TECPR2: variants seen among roughly 807,000 people sequenced by gnomAD.
TECPR2 encodes the protein tectonin beta-propeller repeat-containing protein 2.
In TECPR2, 65 loss-of-function variants were observed where a neutral mutation model predicts 138.1. That is an observed-to-expected ratio of 0.47 (90% CI 0.39 to 0.58). TECPR2 has a LOEUF of 0.58. Ranked by LOEUF, TECPR2 falls within the 20% of genes least tolerant of loss-of-function variation. TECPR2 has a pLI of 0.00. For missense variants in TECPR2, 1,553 were observed against 1,824.5 expected (o/e 0.85, Z 2.71); for synonymous variants, 746 against 749.8 (o/e 0.99, Z 0.08).
intron 17 of TECPR2, among the ~76,000 whole-genome samples, chr14:102,490,934 G>T (rs771865502): frequency 6.6e-6 from 1 of 151,622 alleles, no homozygotes; most frequent in Non-Finnish European, 1.5e-5. Context: ...CACTCTTATT[G>T]CCCAGGCTGG....
chr14:102,413,007 G>C (rs968428548), intron 4 of TECPR2, among the ~76,000 whole-genome samples: 7 of 152,062 alleles, frequency 4.6e-5, no homozygotes, highest in African/African-American at 1.7e-4. Flanking sequence ...GAGGTTGGAG[G>C]ATCAGTTGAG....
chr14:102,442,875 CT>C (rs1889871386), intron 11 of TECPR2, among the ~76,000 whole-genome samples: 1 of 152,232 alleles, frequency 6.6e-6, no homozygotes, highest in Non-Finnish European at 1.5e-5. Context: ...TGGGAATAGC[CT>C]TTGAGCTCAT....
intron 2 of TECPR2, among the ~76,000 whole-genome samples, chr14:102,401,709 G>A (rs894486665): frequency 4.7e-5 from 7 of 149,418 alleles, no homozygotes; most frequent in African/African-American, 1.7e-4. Flanking sequence ...GGAGGCTGAG[G>A]CAGGAGAATG....
chr14:102,432,173 T>C (rs1889515450), intron 8 of TECPR2, 45 bp downstream of exon 8: 3 of 1,444,936 alleles, frequency 2.1e-6, no homozygotes, highest in East Asian at 2.5e-5. Context: ...TTACAGTCTT[T>C]CCAGATTCTC....
chr14:102,423,354 C>G (rs57081537), intron 5 of TECPR2, among the ~76,000 whole-genome samples: 4,471 of 151,994 alleles, frequency 0.029, 207 homozygotes, highest in African/African-American at 0.098. Context: ...ATCACTTGAA[C>G]CCAAGAGGGA....
intron 8 of TECPR2, 42 bp downstream of exon 8, chr14:102,432,170 C>G (rs759815596): frequency 1.4e-6 from 2 of 1,451,236 alleles, no homozygotes; most frequent in Non-Finnish European, 1.8e-6. Context: ...GGGTTACAGT[C>G]TTTCCAGATT....
intron 17 of TECPR2, among the ~76,000 whole-genome samples, chr14:102,475,258 GA>G (rs1466514488): frequency 2.6e-5 from 4 of 152,232 alleles, no homozygotes; most frequent in Non-Finnish European, 5.9e-5. Flanking sequence ...AAGCAGAGGG[GA>G]CATGAAGTAT....
rs1431336357 is a variant in TECPR2 at position 102,420,477 on chromosome 14, C to T, written c.639-4502C>T. On this transcript the variant is annotated intron_variant, in intron 5 of 19. Coordinates refer to ENST00000359520, the MANE Select transcript of TECPR2 (RefSeq NM_014844.5). This position sits in a 1 kb window ranked among gnomAD's most constrained non-coding sequence, Gnocchi z 4.1. ...AACCCACTCATCAGACATTTCCGTT[C>T]TTTTTATTTTTTAGAGACAGGGTCT... 6.6e-6 allele frequency among the ~76,000 whole-genome samples: 1 copy of T among 152,052 alleles called. No homozygotes were observed. The highest frequency in any genetic ancestry group is 1.5e-5 in the Non-Finnish European group (1 of 68,000).
At chr14:102,371,000 A>G (rs975102692) in intron 1 of TECPR2, among the ~76,000 whole-genome samples, 1 of 152,226 alleles carries the variant, frequency 6.6e-6, no homozygotes, top group African/African-American at 2.4e-5. Context: ...CTCTGTGTTT[A>G]TAGCTAGGAT....
At chr14:102,377,972 G>T (rs939792024) in intron 2 of TECPR2, among the ~76,000 whole-genome samples, 2 of 152,226 alleles carry the variant, frequency 1.3e-5, no homozygotes, top group Non-Finnish European at 1.5e-5. Context: ...TGTTTCTGCA[G>T]TGCTGTGGAC....
chr14:102,435,290 C>A (rs1222043585), intron 9 of TECPR2, 79 bp downstream of exon 9: 4 of 1,493,048 alleles, frequency 2.7e-6, no homozygotes, highest in African/African-American at 1.4e-5. Context: ...GATTATTTTC[C>A]TTCTCATGGA....
chr14:102,381,677 A>G (rs1887824417), intron 2 of TECPR2, among the ~76,000 whole-genome samples: 1 of 152,240 alleles, frequency 6.6e-6, no homozygotes, highest in African/African-American at 2.4e-5. Flanking sequence ...GATGAAGGAA[A>G]ACTTAAGAGG....
chr14:102,370,815 G>C (rs1402399269), intron 1 of TECPR2, among the ~76,000 whole-genome samples: 2 of 152,158 alleles, frequency 1.3e-5, no homozygotes, highest in Non-Finnish European at 2.9e-5. Flanking sequence ...ATGGTGGCCC[G>C]AGCTAGGGGT....
In TECPR2 at chr14:102,452,635, C is replaced by T; in HGVS notation, c.3640+8C>T. The T allele has an allele frequency of 6.4e-7, 1 of 1,572,544 alleles. No individual in the cohort carries two copies. Among genetic ancestry groups the T allele is most frequent in the Non-Finnish European group, 8.6e-7 (1 of 1,158,392 alleles). On this transcript the variant is annotated splice_region_variant and intron_variant, in intron 16 of 19. Transcript: ENST00000359520. ...TGGACCTCTCCCAGCTAGGTACGGC[C>T]ACCTCGTGAGTACACCTGCCGGTGC... is the stretch of plus-strand genomic sequence containing the variant.
intron 1 of TECPR2, among the ~76,000 whole-genome samples, chr14:102,369,711 G>A (rs1371776008): frequency 6.6e-6 from 1 of 152,126 alleles, no homozygotes; most frequent in Non-Finnish European, 1.5e-5. Flanking sequence ...GGAGGCCGAG[G>A]CGGGTGGATC....
intron 4 of TECPR2, among the ~76,000 whole-genome samples, chr14:102,411,045 C>T: frequency 6.6e-6 from 1 of 152,242 alleles, no homozygotes; most frequent in Non-Finnish European, 1.5e-5. Flanking sequence ...TCCAGGCCAT[C>T]ATCAATCATT....
intron 2 of TECPR2, among the ~76,000 whole-genome samples, chr14:102,379,206 C>T (rs768571026): frequency 1.3e-5 from 2 of 152,018 alleles, no homozygotes; most frequent in Admixed American, 6.6e-5. Context: ...TCTTAAAATC[C>T]GTGCACAGAG....
chr14:102,466,379 GT>G (rs1304808787), intron 17 of TECPR2, among the ~76,000 whole-genome samples: 2 of 152,296 alleles, frequency 1.3e-5, no homozygotes, highest in Admixed American at 6.5e-5. Context: ...CAAACATGAG[GT>G]TGTACATAAT....
intron 16 of TECPR2, among the ~76,000 whole-genome samples, chr14:102,461,776 G>A (rs1251535939): frequency 1.3e-5 from 2 of 152,184 alleles, no homozygotes; most frequent in African/African-American, 4.8e-5. Context: ...CTCAGAGCCT[G>A]TTGCCAGTAC....
Sources: allele counts gnomAD v4.1 joint callset (sites outside exome capture counted in the v4.1 genomes callset), GRCh38; gene constraint gnomAD v4.1.1; non-coding constraint Gnocchi (gnomAD v3.1); transcripts MANE v1.5; gene names NCBI Gene and HGNC (gene_info 2026-07-23, HGNC 2026-07-21).